Variants in CEP112 observed in about 807,000 individuals in gnomAD.
CEP112 encodes centrosomal protein of 112 kDa.
A neutral mutation model predicts 153.0 loss-of-function variants in CEP112; 127 were observed. The observed-to-expected ratio is 0.83, with a 90% CI of 0.72 to 0.96. The LOEUF (loss-of-function observed/expected upper bound fraction) is 0.96. Ranked by LOEUF, CEP112 falls within the 40% of genes least tolerant of loss-of-function variation. CEP112 has a pLI of 0.00. For synonymous variants in CEP112, 358 were observed against 374.4 expected (o/e 0.96, Z 0.51); for missense variants, 1,089 against 1,101.2 (o/e 0.99, Z 0.16).
intron 24 of CEP112, among the ~76,000 whole-genome samples, chr17:65,653,221 A>G (rs2045878031): frequency 6.6e-6 from 1 of 152,256 alleles, no homozygotes; most frequent in South Asian, 2.1e-4. Flanking sequence ...ATCCTTGTCA[A>G]TAACTCTGGT....
intron 17 of CEP112, among the ~76,000 whole-genome samples, chr17:65,965,513 GC>G (rs11393272): frequency 0.077 from 8,414 of 108,588 alleles, 437 homozygotes; most frequent in South Asian, 0.19. Flanking sequence ...GAAACCTTCT[GC>G]CCCCTTTTTT....
At chr17:66,176,143 T>C (rs1327469763) in intron 3 of CEP112, among the ~76,000 whole-genome samples, 1 of 152,200 alleles carries the variant, frequency 6.6e-6, no homozygotes, top group Non-Finnish European at 1.5e-5. Flanking sequence ...AGTTTTAAAA[T>C]ACATGACACA....
At chr17:65,969,912 A>ACATGCATATCACATGCGCTACAGG (rs1283010003) in intron 17 of CEP112, among the ~76,000 whole-genome samples, 6 of 150,574 alleles carry the variant, frequency 4.0e-5, no homozygotes, top group Admixed American at 2.0e-4. Context: ...CATGCATATT[A>ACATGCATATCACATGCGCTACAGG]CATGCATATC....
At chr17:65,810,665 T>G (rs566064247) in intron 21 of CEP112, among the ~76,000 whole-genome samples, 1 of 151,826 alleles carries the variant, frequency 6.6e-6, no homozygotes, top group Non-Finnish European at 1.5e-5. Flanking sequence ...TAGAATAATT[T>G]GGCATACGTG....
At chr17:66,188,913 G>A (rs890819853) in intron 1 of CEP112, among the ~76,000 whole-genome samples, 4 of 152,112 alleles carry the variant, frequency 2.6e-5, no homozygotes, top group African/African-American at 7.2e-5. Context: ...GATGTACTCC[G>A]GGGCTTAAAG....
chr17:65,684,193 T>C (rs1325565516), intron 24 of CEP112, among the ~76,000 whole-genome samples: 1 of 152,196 alleles, frequency 6.6e-6, no homozygotes, highest in Non-Finnish European at 1.5e-5. Flanking sequence ...GACCTAACAC[T>C]GTTTAGCAAA....
chr17:65,816,457 G>C (rs2056271608), intron 21 of CEP112, among the ~76,000 whole-genome samples: 1 of 151,692 alleles, frequency 6.6e-6, no homozygotes, highest in Non-Finnish European at 1.5e-5. Context: ...TTTTTCTCCT[G>C]AGTCCCCAAA....
At chr17:65,862,465 G>C (rs905580900) in intron 20 of CEP112, among the ~76,000 whole-genome samples, 2 of 152,158 alleles carry the variant, frequency 1.3e-5, no homozygotes, top group African/African-American at 4.8e-5. Flanking sequence ...GTGGGCACCT[G>C]TAGTCCCAGC....
rs1185769220 is a variant in CEP112 at position 65,637,299 on chromosome 17, CAG to C, written c.2800-113_2800-112del. The C allele has an allele frequency of 5.3e-6, 4 of 761,880 alleles. No homozygotes were observed. In the African/African-American group the frequency reaches 7.0e-5, roughly 13 times the overall value. 47.2% of individuals were successfully genotyped at this position (761,880 alleles called of 1,614,324 possible). On this transcript the variant is annotated intron_variant, in intron 25 of 26. Coordinates refer to ENST00000535342, the MANE Select transcript of CEP112 (RefSeq NM_001199165.4). The stretch of plus-strand genomic sequence containing the variant: ...TTCAGACAATTCCCTAGATAAAACT[CAG>C]AGGATTTGTTGAATGTCAATGTTGT...
At chr17:65,970,495 CATGCAT>C (rs2062685286) in intron 17 of CEP112, among the ~76,000 whole-genome samples, 1 of 146,552 alleles carries the variant, frequency 6.8e-6, no homozygotes, top group South Asian at 2.2e-4. Context: ...ATGCACACTA[CATGCAT>C]ATTATATGCA....
At chr17:65,647,540 A>C (rs1344877815) in intron 24 of CEP112, among the ~76,000 whole-genome samples, 1 of 145,730 alleles carries the variant, frequency 6.9e-6, no homozygotes, top group Non-Finnish European at 1.5e-5. Flanking sequence ...CCATGGCACA[A>C]TCACAGCTTA....
intron 21 of CEP112, among the ~76,000 whole-genome samples, chr17:65,813,639 G>A (rs576538568): frequency 1.7e-4 from 26 of 152,244 alleles, no homozygotes; most frequent in African/African-American, 5.8e-4. Flanking sequence ...CCTCAGTATC[G>A]CCTACAATTC....
intron 21 of CEP112, among the ~76,000 whole-genome samples, chr17:65,788,444 C>A (rs1462940377): frequency 1.3e-5 from 2 of 151,988 alleles, no homozygotes; most frequent in African/African-American, 4.8e-5. Context: ...TTCTTTTTTT[C>A]CTGTCACAGA....
Position 65,669,049 on chromosome 17 carries a change from T to C in CEP112, c.2697+20080A>G, listed in dbSNP as rs530772649. Among the ~76,000 whole-genome samples the C allele has an allele frequency of 3.9e-5, 6 of 152,334 alleles. No individual in the cohort carries two copies. The East Asian group carries it at 1.2e-3, about 29-fold the overall frequency. On this transcript the variant is annotated intron_variant, in intron 24 of 26. Transcript: ENST00000535342. ...AGCCTCTGATTGTCAAGTAAAGTTCTAGTCTCGCAGTGAATTTTTTTGGCC... is the reference window on the plus strand; with the variant it reads ...AGCCTCTGATTGTCAAGTAAAGTTCCAGTCTCGCAGTGAATTTTTTTGGCC...
At chr17:65,928,721 G>A (rs951885261) in intron 18 of CEP112, among the ~76,000 whole-genome samples, 5 of 151,984 alleles carry the variant, frequency 3.3e-5, no homozygotes, top group Non-Finnish European at 5.9e-5. Flanking sequence ...AAAATTAGCC[G>A]AGCGTGGTGG....
At position 65,992,558 on chromosome 17, in the gene CEP112, T is replaced by C. The variant is rs184971487; in HGVS notation, c.1736+13132A>G. 2.3e-3 allele frequency among the ~76,000 whole-genome samples: 345 copies of C among 152,300 alleles called. 3 individuals are homozygous for C. Among genetic ancestry groups the C allele is most frequent in the African/African-American group, 8.0e-3 (334 of 41,562 alleles). On this transcript the variant is annotated intron_variant, in intron 17 of 26. Coordinates refer to ENST00000535342, the MANE Select transcript of CEP112 (RefSeq NM_001199165.4). ...TCTATTGGTTCTTTGATAATGCCAA[T>C]GAATAGTCTAAAATTTCTGCTTACT...
At chr17:66,177,268 A>G (rs1238811793) in intron 2 of CEP112, among the ~76,000 whole-genome samples, 1 of 152,154 alleles carries the variant, frequency 6.6e-6, no homozygotes, top group Non-Finnish European at 1.5e-5. Flanking sequence ...TTCCAATAAA[A>G]CCTGGCAAAA....
intron 1 of CEP112, among the ~76,000 whole-genome samples, chr17:66,184,850 A>G (rs996775140): frequency 6.6e-6 from 1 of 152,172 alleles, no homozygotes; most frequent in Non-Finnish European, 1.5e-5. Flanking sequence ...TGTCCCTCAA[A>G]TGGTGACTAG....
intron 22 of CEP112, among the ~76,000 whole-genome samples, chr17:65,747,656 TA>T (rs908907445): frequency 2.6e-5 from 4 of 151,356 alleles, no homozygotes; most frequent in Admixed American, 6.6e-5. Flanking sequence ...TTTCTTAAGA[TA>T]AAAAAAAATG....
Sources: gnomAD v4.1 joint callset for allele counts (sites outside exome capture counted in the v4.1 genomes callset) on GRCh38, gnomAD v4.1.1 for gene constraint, MANE v1.5 for transcripts, NCBI Gene and HGNC (gene_info 2026-07-23, HGNC 2026-07-21) for gene names.